Variants in PCDHGA2 observed in about 807,000 individuals in gnomAD.
PCDHGA2 encodes protocadherin gamma-A2.
A neutral mutation model predicts 59.2 loss-of-function variants in PCDHGA2; 40 were observed. The observed-to-expected ratio is 0.68, with a 90% CI of 0.52 to 0.88. PCDHGA2 has a LOEUF of 0.88. Among genes scored for constraint, PCDHGA2 ranks in the 40% least tolerant of loss-of-function variants. The pLI is 0.00. For synonymous variants in PCDHGA2, 560 were observed against 526.0 expected (o/e 1.06, Z -0.89); for missense variants, 1,226 against 1,204.0 (o/e 1.02, Z -0.27).
chr5:141,354,595 C>A (rs1353149588), intron 1 of PCDHGA2, among the ~76,000 whole-genome samples: 1 of 152,234 alleles, frequency 6.6e-6, no homozygotes, highest in African/African-American at 2.4e-5. Context: ...TAAAGCCAGA[C>A]CTCCAAGTTC....
At chr5:141,392,632 C>A in intron 1 of PCDHGA2, 1 of 610,258 alleles carries the variant, frequency 1.6e-6, no homozygotes, top group Non-Finnish European at 2.7e-6. Context: ...ACTCAGATCT[C>A]ACACCTCACG....
At chr5:141,374,726 A>G (rs1471530567) in intron 1 of PCDHGA2, 2 of 1,610,526 alleles carry the variant, frequency 1.2e-6, no homozygotes, top group Non-Finnish European at 8.5e-7. Flanking sequence ...CCTTACTGCC[A>G]TGGATGGCGG....
intron 1 of PCDHGA2, chr5:141,389,382 T>C (rs2091728828): frequency 6.2e-7 from 1 of 1,613,704 alleles, no homozygotes; most frequent in East Asian, 2.2e-5. Flanking sequence ...GCGGGAGCTG[T>C]CATCCTACGT....
At chr5:141,361,007 T>A (rs1437909553) in intron 1 of PCDHGA2, 2 of 1,613,400 alleles carry the variant, frequency 1.2e-6, no homozygotes, top group Non-Finnish European at 1.7e-6. Flanking sequence ...GTGAAACACT[T>A]TTTCAACTTA....
At chr5:141,385,050 G>C in intron 1 of PCDHGA2, 1 of 1,614,164 alleles carries the variant, frequency 6.2e-7, no homozygotes, top group Non-Finnish European at 8.5e-7. Flanking sequence ...TCAGGCTGCG[G>C]CGCTGGCACA....
Position 141,419,438 on chromosome 5 carries a change from A to G in PCDHGA2, c.2425-75369A>G, listed in dbSNP as rs764801455. On this transcript the variant is annotated intron_variant, in intron 1 of 3. Coordinates refer to ENST00000394576, the MANE Select transcript of PCDHGA2 (RefSeq NM_018915.4). ...CGCCTTCGACCACGAGCAGCTGCGC[A>G]CCTTCGAGCTCACGCTGCAGGCCCG... 8 of 1,613,138 alleles carry G rather than the reference A, an allele frequency of 5.0e-6. No homozygotes were observed. The highest frequency in any genetic ancestry group is 4.4e-5 in the South Asian group (4 of 91,044).
rs780491756 is a variant in PCDHGA2 at position 141,375,972 on chromosome 5, G to A, written c.2424+34577G>A. ...CACACGGGCGAGGTGCGCACGGCGC[G>A]CGCCCTGCTGGACAGAGACGCGCTC... is the stretch of plus-strand genomic sequence containing the variant. On this transcript the variant is annotated intron_variant, in intron 1 of 3. Transcript: ENST00000394576. 9.9e-6 allele frequency: 16 copies of A among 1,613,336 alleles called. No homozygotes were observed. In the Admixed American group the frequency reaches 1.0e-4, roughly 10 times the overall value.
intron 1 of PCDHGA2, chr5:141,384,566 A>G (rs1313512011): frequency 6.2e-7 from 1 of 1,614,244 alleles, no homozygotes; most frequent in African/African-American, 1.3e-5. Flanking sequence ...CTGGACCAGA[A>G]TGACAACCCG....
At chr5:141,350,978 AG>A in intron 1 of PCDHGA2, 1 of 1,614,074 alleles carries the variant, frequency 6.2e-7, no homozygotes, top group South Asian at 1.1e-5. Flanking sequence ...TCCCGTGTTT[AG>A]CCAGGAGGTA....
Position 141,487,421 on chromosome 5 carries a change from C to T in PCDHGA2, c.2425-7386C>T. ...GGGGCTTCCCCCTTCCAATGGGATC[C>T]TCCGAATCCAGCTAGGGTCAGATGA... On this transcript the variant is annotated intron_variant, in intron 1 of 3. Coordinates refer to ENST00000394576, the MANE Select transcript of PCDHGA2 (RefSeq NM_018915.4). This position sits in a 1 kb window ranked among gnomAD's most constrained non-coding sequence, Gnocchi z 5.0. The T allele has an allele frequency of 6.2e-7, 1 of 1,614,144 alleles. No homozygotes were observed. The highest frequency in any genetic ancestry group is 1.1e-5 in the South Asian group (1 of 91,082).
At chr5:141,344,103 T>G (rs751569318) in intron 1 of PCDHGA2, 5 of 1,613,920 alleles carry the variant, frequency 3.1e-6, no homozygotes, top group Non-Finnish European at 4.2e-6. Context: ...GGGGACGCTG[T>G]GCGAAACAGG....
At chr5:141,357,653 C>G (rs1478258336) in intron 1 of PCDHGA2, 1 of 1,607,882 alleles carries the variant, frequency 6.2e-7, no homozygotes, top group South Asian at 1.1e-5. Flanking sequence ...TCATACCACA[C>G]TGAAATATAG....
At chr5:141,385,552 T>C in intron 1 of PCDHGA2, 2 of 1,315,868 alleles carry the variant, frequency 1.5e-6, no homozygotes, top group Non-Finnish European at 9.7e-7. Flanking sequence ...ACTATCACAT[T>C]TTATAATTTC....
At chr5:141,421,504 C>G (rs757410882) in intron 1 of PCDHGA2, 1 of 1,614,062 alleles carries the variant, frequency 6.2e-7, no homozygotes, top group South Asian at 1.1e-5. Flanking sequence ...CAGGATAGAC[C>G]GGGAGGAGCT....
At chr5:141,499,029 A>AAGGAAGGAAGGAAGG (rs1562187768) in intron 2 of PCDHGA2, among the ~76,000 whole-genome samples, 10 of 139,968 alleles carry the variant, frequency 7.1e-5, no homozygotes, top group African/African-American at 2.8e-4. Context: ...AGGAAGGAAG[A>AAGGAAGGAAGGAAGG]AAAGAAAGAA....
At chr5:141,393,602 T>G in intron 1 of PCDHGA2, 1 of 1,613,892 alleles carries the variant, frequency 6.2e-7, no homozygotes, top group Non-Finnish European at 8.5e-7. Context: ...GGCTGCTTAC[T>G]GTAACAGCCA....
In PCDHGA2 at chr5:141,432,498, G is replaced by A. The variant is rs766191511; in HGVS notation, c.2425-62309G>A. Reference sequence around the variant, plus strand: ...TCCACTGGCGTGGAGCTGGCTCCCCGCTCCGCAGAGCCCGGCTACCTGGTG... The same window carrying A: ...TCCACTGGCGTGGAGCTGGCTCCCCACTCCGCAGAGCCCGGCTACCTGGTG... On this transcript the variant is annotated intron_variant, in intron 1 of 3. Coordinates refer to ENST00000394576, the MANE Select transcript of PCDHGA2 (RefSeq NM_018915.4). This position sits in a 1 kb window ranked among gnomAD's most constrained non-coding sequence, Gnocchi z 6.0. The A allele has an allele frequency of 1.9e-6, 3 of 1,614,106 alleles. No homozygotes were observed. The highest frequency in any genetic ancestry group is 2.5e-6 in the Non-Finnish European group (3 of 1,180,052).
At position 141,487,116 on chromosome 5, in the gene PCDHGA2, A is replaced by G. The variant is rs749256818; in HGVS notation, c.2425-7691A>G. On this transcript the variant is annotated intron_variant, in intron 1 of 3. Transcript: ENST00000394576. This position sits in a 1 kb window ranked among gnomAD's most constrained non-coding sequence, Gnocchi z 5.0. ...CCACAGAAGCTGGTCATTGTGGTAA[A>G]GGATAGTGGTAGTCCACCACTCTCT... The G allele has an allele frequency of 3.1e-6, 5 of 1,614,022 alleles. No individual in the cohort carries two copies.
In PCDHGA2 at chr5:141,357,583, C is replaced by G. The variant is rs756550703; in HGVS notation, c.2424+16188C>G. ...GAAAAGCGAGCCTCTTCTGATAACT[C>G]AGGATTTACTTGAAACAAAAGGAGA... is the stretch of plus-strand genomic sequence containing the variant. On this transcript the variant is annotated intron_variant, in intron 1 of 3. Transcript: ENST00000394576. The G allele has an allele frequency of 1.9e-6, 3 of 1,614,070 alleles. No homozygotes were observed. In the African/African-American group the frequency reaches 4.0e-5, roughly 22 times the overall value.
Sources: gnomAD v4.1 joint callset for allele counts (sites outside exome capture counted in the v4.1 genomes callset) on GRCh38, gnomAD v4.1.1 for gene constraint, Gnocchi (gnomAD v3.1) non-coding constraint, MANE v1.5 for transcripts, NCBI Gene and HGNC (gene_info 2026-07-23, HGNC 2026-07-21) for gene names.